ARHGEF3: variants seen among roughly 807,000 people sequenced by gnomAD.
ARHGEF3 encodes the protein Rho guanine nucleotide exchange factor 3, also known as 59.8 kDA protein.
A neutral mutation model predicts 63.2 loss-of-function variants in ARHGEF3; 28 were observed. The ratio of observed to expected loss-of-function variants is 0.44; its 90% CI spans 0.33 to 0.61. The LOEUF (loss-of-function observed/expected upper bound fraction) is 0.61. Among genes scored for constraint, ARHGEF3 ranks in the 20% least tolerant of loss-of-function variants. ARHGEF3 has a pLI of 0.03. For synonymous variants in ARHGEF3, 266 were observed against 254.2 expected (o/e 1.05, Z -0.44); for missense variants, 533 against 659.3 (o/e 0.81, Z 2.10).
intron 3 of ARHGEF3, among the ~76,000 whole-genome samples, chr3:56,910,473 C>T (rs1218705894): frequency 6.6e-6 from 1 of 152,118 alleles, no homozygotes; most frequent in African/African-American, 2.4e-5. Context: ...TAAAGTGGAC[C>T]CCACTGGTGA....
intron 1 of ARHGEF3, chr3:57,073,917 GA>G: frequency 6.2e-7 from 1 of 1,614,204 alleles, no homozygotes; most frequent in East Asian, 2.2e-5. Context: ...ATTTCAGGGG[GA>G]TGTGTGCCAA....
At chr3:56,845,237 G>A (rs2039448849) in intron 4 of ARHGEF3, among the ~76,000 whole-genome samples, 1 of 152,254 alleles carries the variant, frequency 6.6e-6, no homozygotes, top group Non-Finnish European at 1.5e-5. Context: ...AGCCTTGTCA[G>A]ACCCTGAAGT....
chr3:57,010,751 G>A (rs1357459467), intron 2 of ARHGEF3, among the ~76,000 whole-genome samples: 2 of 152,094 alleles, frequency 1.3e-5, no homozygotes, highest in Non-Finnish European at 2.9e-5. Context: ...GGACCCCAGT[G>A]TTCATGGAAA....
chr3:56,926,885 C>G (rs1431081408), intron 3 of ARHGEF3, among the ~76,000 whole-genome samples: 1 of 152,198 alleles, frequency 6.6e-6, no homozygotes, highest in Admixed American at 6.5e-5. Context: ...GGAGGAGTCC[C>G]CAGAATGACC....
chr3:56,943,432 C>A (rs1022817103), intron 3 of ARHGEF3, among the ~76,000 whole-genome samples: 1 of 152,184 alleles, frequency 6.6e-6, no homozygotes, highest in Non-Finnish European at 1.5e-5. Context: ...ACTCTTGAGA[C>A]TTACCGCTCA....
At chr3:57,017,778 G>A (rs1379601124) in intron 2 of ARHGEF3, among the ~76,000 whole-genome samples, 1 of 152,182 alleles carries the variant, frequency 6.6e-6, no homozygotes, top group African/African-American at 2.4e-5. Context: ...CAGGAGAGTG[G>A]CCCATTCACG....
chr3:56,750,776 A>G (rs1045957706), intron 6 of ARHGEF3, among the ~76,000 whole-genome samples: 1 of 150,632 alleles, frequency 6.6e-6, no homozygotes, highest in African/African-American at 2.4e-5. Flanking sequence ...TTATTTTGAT[A>G]CGAAACTAGT....
At chr3:56,850,576 A>T (rs1046295329) in intron 4 of ARHGEF3, among the ~76,000 whole-genome samples, 3 of 152,214 alleles carry the variant, frequency 2.0e-5, no homozygotes, top group African/African-American at 7.2e-5. Flanking sequence ...ACCTGAAATG[A>T]AGTGGGGTCA....
chr3:57,023,212 C>A (rs1425050659), intron 2 of ARHGEF3, among the ~76,000 whole-genome samples: 2 of 152,188 alleles, frequency 1.3e-5, no homozygotes, highest in East Asian at 1.9e-4. Flanking sequence ...CCCAGATGCA[C>A]AGAAGGGGCT....
At chr3:56,850,390 G>A (rs1387428827) in intron 4 of ARHGEF3, among the ~76,000 whole-genome samples, 2 of 152,188 alleles carry the variant, frequency 1.3e-5, no homozygotes, top group Non-Finnish European at 2.9e-5. Flanking sequence ...TTAGTTGGGC[G>A]TGGTGGCACA....
intron 3 of ARHGEF3, among the ~76,000 whole-genome samples, chr3:56,895,229 T>C (rs1476365189): frequency 6.6e-6 from 1 of 152,190 alleles, no homozygotes; most frequent in Non-Finnish European, 1.5e-5. Context: ...TTTCACGTTA[T>C]TGTTCTGACA....
intron 4 of ARHGEF3, among the ~76,000 whole-genome samples, chr3:56,833,569 T>C (rs2039000323): frequency 6.6e-6 from 1 of 152,224 alleles, no homozygotes; most frequent in South Asian, 2.1e-4. Flanking sequence ...CAGCCTTCCC[T>C]ACACCACATT....
chr3:56,855,035 T>C (rs890846345), intron 4 of ARHGEF3, among the ~76,000 whole-genome samples: 19 of 151,910 alleles, frequency 1.3e-4, no homozygotes, highest in Admixed American at 5.9e-4. Flanking sequence ...GATATGGCCA[T>C]GGCAAGACCT....
At chr3:57,074,132 A>T (rs764112308) in intron 1 of ARHGEF3, 1 of 1,613,994 alleles carries the variant, frequency 6.2e-7, no homozygotes, top group East Asian at 2.2e-5. Flanking sequence ...GGTTGTGGAG[A>T]CTGTGTGAGG....
At position 56,864,877 on chromosome 3, in the gene ARHGEF3, A is replaced by G. The variant is rs529682791; in HGVS notation, c.192+17415T>C. 2.0e-4 allele frequency among the ~76,000 whole-genome samples: 30 copies of G among 152,206 alleles called. No individual in the cohort carries two copies. The South Asian group carries it at 6.2e-3, about 32-fold the overall frequency. On this transcript the variant is annotated intron_variant, in intron 4 of 12. Transcript: ENST00000338458. Reference sequence around the variant, plus strand: ...TACATATAATAAAATTTCAAAGTTTACTCAGCAAATGTCACCCTTTTGTCA... The same window carrying G: ...TACATATAATAAAATTTCAAAGTTTGCTCAGCAAATGTCACCCTTTTGTCA...
chr3:57,044,725 A>C (rs2107276828), intron 1 of ARHGEF3, among the ~76,000 whole-genome samples: 1 of 152,288 alleles, frequency 6.6e-6, no homozygotes, highest in East Asian at 1.9e-4. Flanking sequence ...TCAAGGTCAT[A>C]TCACAAGTCT....
At chr3:56,815,175 C>T (rs1468483476) in intron 4 of ARHGEF3, among the ~76,000 whole-genome samples, 1 of 150,590 alleles carries the variant, frequency 6.6e-6, no homozygotes, top group African/African-American at 2.4e-5. Context: ...AAAAAGAAGA[C>T]ATGGTATACA....
intron 1 of ARHGEF3, among the ~76,000 whole-genome samples, chr3:56,785,722 C>A (rs1242298247): frequency 6.6e-6 from 1 of 152,194 alleles, no homozygotes; most frequent in African/African-American, 2.4e-5. Flanking sequence ...AAAGGAAGGA[C>A]AGACTGTTCC....
At chr3:57,028,978 A>AAG (rs2107197678) in intron 2 of ARHGEF3, among the ~76,000 whole-genome samples, 1 of 80,788 alleles carries the variant, frequency 1.2e-5, no homozygotes, top group East Asian at 3.0e-4. Flanking sequence ...GATAATGGTG[A>AAG]AGACACACAC....
Sources: gnomAD v4.1 joint callset for allele counts (sites outside exome capture counted in the v4.1 genomes callset) on GRCh38, gnomAD v4.1.1 for gene constraint, MANE v1.5 for transcripts, NCBI Gene and HGNC (gene_info 2026-07-23, HGNC 2026-07-21) for gene names.